Variants in TTN observed in about 807,000 individuals in gnomAD.
TTN encodes the protein connectin.
In TTN, 1,525 loss-of-function variants were observed where a neutral mutation model predicts 3,223.0. The ratio of observed to expected loss-of-function variants is 0.47; its 90% CI spans 0.45 to 0.49. The LOEUF (loss-of-function observed/expected upper bound fraction) is 0.49. Ranked by LOEUF, TTN falls within the 20% of genes least tolerant of loss-of-function variation. The probability of loss-of-function intolerance (pLI) is 0.00; values close to 1 mark genes in which losing one functional copy is unlikely to be tolerated. For synonymous variants in TTN, 14,094 were observed against 15,161.0 expected (o/e 0.93, Z 5.17); for missense variants, 40,786 against 43,424.0 (o/e 0.94, Z 5.40).
chr2:178,543,491 T>G lies in TTN; in HGVS notation c.96482A>C (p.Lys32161Thr). 1 of 1,613,782 alleles carries G rather than the reference T, an allele frequency of 6.2e-7. No individual in the cohort carries two copies. The highest frequency in any genetic ancestry group is 8.5e-7 in the Non-Finnish European group (1 of 1,179,770). ...AAGTCCAGAAATTCTGTAAAGTGTC[T>G]TGCTGCATTTGGTAGTTACTGTTTT... ...AFKTVTTKCS[K>T]TLYRISGLVE... The change falls in exon 347 of 363, where the codon AAG (lysine) becomes ACG (threonine). Residue 32161 changes from lysine to threonine, a missense_variant. Coordinates refer to ENST00000589042, the MANE Select transcript of TTN (RefSeq NM_001267550.2).
chr2:178,695,301 T>TATTTA, intron 115 of TTN, 47 bp downstream of exon 115: 1 of 1,477,248 alleles, frequency 6.8e-7, no homozygotes, highest in Non-Finnish European at 9.4e-7. Flanking sequence ...CAAGCCATGA[T>TATTTA]AATGATGTTG....
At position 178,570,398 on chromosome 2, in the gene TTN, C is replaced by T. The variant is rs397517701; in HGVS notation, c.75734G>A (p.Arg25245Lys). The stretch of plus-strand genomic sequence containing the variant: ...AGTCCAAACTAAGCGGCTGGTTTCT[C>T]TCCTTTCCACAATATAATTTATGAT... Reference protein sequence around the residue: ...SDIINYIVERRETSRLVWTVV... With the variant: ...SDIINYIVERKETSRLVWTVV... The change falls in exon 326 of 363, where the codon AGA (arginine) becomes AAA (lysine). Residue 25245 changes from arginine (R) to lysine (K), a missense_variant. Coordinates refer to ENST00000589042, the MANE Select transcript of TTN (RefSeq NM_001267550.2). The T allele has an allele frequency of 1.6e-5, 26 of 1,613,038 alleles. No homozygotes were observed. The highest frequency in any genetic ancestry group is 1.6e-4 in the Middle Eastern group (1 of 6,076).
At chr2:178,680,112 C>A in intron 139 of TTN, 57 bp from the exon 140 acceptor site, 1 of 1,599,354 alleles carries the variant, frequency 6.3e-7, no homozygotes, top group Non-Finnish European at 8.5e-7. Flanking sequence ...AAAATTAAGA[C>A]ACCTTAGAAA....
In TTN at chr2:178,719,181, G is replaced by T. The variant is rs796067887; in HGVS notation, c.24209C>A (p.Ala8070Glu). 6.2e-7 allele frequency: 1 copy of T among 1,613,300 alleles called. No individual in the cohort carries two copies. Among genetic ancestry groups the T allele is most frequent in the African/African-American group, 1.3e-5 (1 of 74,910 alleles). ...ANVAGSDECS[A>E]VLTVQEPPSF... is the part of the protein sequence containing the mutation. ...ACACTGACCTTGCACAGTCAGGACT[G>T]CTGAGCACTCATCGGAACCAGCTAC... Residue 8070 changes from alanine (A) to glutamate (E), a missense_variant, in exon 83 of 363, where the codon GCA becomes GAA. Coordinates refer to ENST00000589042, the MANE Select transcript of TTN (RefSeq NM_001267550.2).
chr2:178,557,990 A>G lies in TTN; in HGVS notation c.87364T>C (p.Ser29122Pro). ...AGRYEITAAN[S>P]SGTTKAFINI... ...ATGAAAGCTTTGGTTGTACCACTGG[A>G]GTTGGCAGCAGTGATTTCATATCTC... The change falls in exon 328 of 363, where the codon TCC (serine) becomes CCC (proline). Residue 29122 changes from serine to proline, a missense_variant. Ser to Pro is a moderately conservative substitution (Grantham distance 74). Coordinates refer to ENST00000589042, the MANE Select transcript of TTN (RefSeq NM_001267550.2). 6.2e-7 allele frequency: 1 copy of G among 1,613,708 alleles called. No homozygotes were observed. The highest frequency in any genetic ancestry group is 8.5e-7 in the Non-Finnish European group (1 of 1,179,860).
rs1430420761 is a variant in TTN, at chr2:178,740,338, C to A, written c.12895G>T (p.Glu4299Ter). The A allele has an allele frequency of 6.2e-7, 1 of 1,613,634 alleles. No individual in the cohort carries two copies. The highest frequency in any genetic ancestry group is 8.5e-7 in the Non-Finnish European group (1 of 1,179,802). Residue 4299 changes from glutamate to a stop codon, truncating the protein, a stop_gained, in exon 48 of 363, where the codon GAA becomes TAA. Coordinates refer to ENST00000589042, the MANE Select transcript of TTN (RefSeq NM_001267550.2). LOFTEE classifies it high-confidence loss of function. ...CTTTCTATCAAAATTTTACCTCCTT[C>A]TGTGCATGAGTGTTCTGAAGGGACT... Reference protein sequence around the residue: ...PLVPSEHSCTEGGKILIESAN... With the variant: ...PLVPSEHSCT
At chr2:178,671,491 A>G (rs1028303659) in intron 155 of TTN, among the ~76,000 whole-genome samples, 1 of 151,816 alleles carries the variant, frequency 6.6e-6, no homozygotes, top group African/African-American at 2.4e-5. Context: ...GGTGCCATTA[A>G]CAATACTTCA....
chr2:178,618,059 AT>A lies in TTN; in HGVS notation c.47291del (p.Asn15764MetfsTer2). ...ATCGATTCACATCAGTGATGGTTAC[AT>A]TCAAAGGAGGGCCTGGAACATCTGG... Reference protein sequence around the residue: ...SKYDVPGPPLNVTITDVNRFG... With the variant: ...SKYDVPGPPLXVTITDVNRFG... On this transcript the variant is annotated frameshift_variant, in exon 253 of 363. Transcript: ENST00000589042. LOFTEE classifies it high-confidence loss of function. The A allele has an allele frequency of 6.2e-7, 1 of 1,612,332 alleles. No individual in the cohort carries two copies. The highest frequency in any genetic ancestry group is 8.5e-7 in the Non-Finnish European group (1 of 1,179,070).
chr2:178,625,544 A>C (rs2058897553), intron 240 of TTN, 148 bp from the exon 241 acceptor site: 6 of 807,414 alleles, frequency 7.4e-6, no homozygotes, highest in African/African-American at 5.4e-5. Flanking sequence ...AAATCATTTC[A>C]ACCAATAGTT....
In TTN at chr2:178,562,751, C is replaced by T; in HGVS notation, c.83381G>A (p.Gly27794Asp). Reference protein sequence around the residue: ...TLSWEPPLIDGGAKITNYIVE... With the variant: ...TLSWEPPLIDDGAKITNYIVE... ...AATGTAGTTTGTAATCTTAGCTCCACCATCAATAAGTGGTGGTTCCCAGGA... is the reference window on the plus strand; with the variant it reads ...AATGTAGTTTGTAATCTTAGCTCCATCATCAATAAGTGGTGGTTCCCAGGA... Residue 27794 changes from glycine (G) to aspartate (D), a missense_variant, in exon 326 of 363, where the codon GGT becomes GAT. By Grantham distance (94) the Gly-to-Asp change is moderately conservative. Transcript: ENST00000589042. The T allele has an allele frequency of 6.2e-7, 1 of 1,612,100 alleles. No individual in the cohort carries two copies. The highest frequency in any genetic ancestry group is 1.3e-5 in the African/African-American group (1 of 74,916).
At chr2:178,685,766 A>T (rs1208070740) in intron 127 of TTN, among the ~76,000 whole-genome samples, 168 bp from the exon 128 acceptor site, 1 of 152,204 alleles carries the variant, frequency 6.6e-6, no homozygotes, top group East Asian at 1.9e-4. Flanking sequence ...ATCAAAGCAC[A>T]TGCGTTAATG....
At chr2:178,550,294 C>G (rs1176407842) in intron 336 of TTN, 21 bp from the exon 337 acceptor site, 1 of 1,587,814 alleles carries the variant, frequency 6.3e-7, no homozygotes, top group Non-Finnish European at 8.6e-7. Context: ...AAGAGAAATA[C>G]TATGTATTAG....
chr2:178,720,806 G>A (rs1191107142), intron 79 of TTN, 115 bp downstream of exon 79: 2 of 1,390,828 alleles, frequency 1.4e-6, no homozygotes, highest in East Asian at 5.0e-5. Context: ...ATTAAAACTT[G>A]TTGAAGAATT....
chr2:178,756,397 C>A lies in TTN; in HGVS notation c.11079G>T (p.Trp3693Cys), dbSNP rs1418383174. 3.7e-6 allele frequency: 6 copies of A among 1,613,768 alleles called. No homozygotes were observed. The highest frequency in any genetic ancestry group is 5.1e-6 in the Non-Finnish European group (6 of 1,179,812). ...LKDDSFIDVTWTHEGAKIEES... is the reference protein window; with the variant it reads ...LKDDSFIDVTCTHEGAKIEES... Reference sequence around the variant, plus strand: ...CCTCTATCTTTGCACCTTCGTGAGTCCAGGTTACATCAATGAAAGAATCAT... The same window carrying A: ...CCTCTATCTTTGCACCTTCGTGAGTACAGGTTACATCAATGAAAGAATCAT... Residue 3693 changes from tryptophan to cysteine, a missense_variant, in exon 46 of 363, where the codon TGG becomes TGT. Trp to Cys is a radical substitution (Grantham distance 215). Coordinates refer to ENST00000589042, the MANE Select transcript of TTN (RefSeq NM_001267550.2).
In TTN at chr2:178,580,075, C is replaced by T. The variant is rs977492019; in HGVS notation, c.67212G>A (p.Val22404=). 1 of 1,613,226 alleles carries T rather than the reference C, an allele frequency of 6.2e-7. No individual in the cohort carries two copies. Among genetic ancestry groups the T allele is most frequent in the African/African-American group, 1.3e-5 (1 of 74,860 alleles). Residue 22404 remains valine (V), a synonymous_variant, in exon 318 of 363, where the codon GTG becomes GTA. Transcript: ENST00000589042. ...RDAERKSWST[V]TTECSKTSFR... ...AGCTTGTTTTGGAGCACTCAGTTGT[C>T]ACTGTAGACCAGGATTTCCTCTCTG... is the stretch of plus-strand genomic sequence containing the variant.
At position 178,620,241 on chromosome 2, in the gene TTN, C is replaced by T. The variant is rs775511280; in HGVS notation, c.46280G>A (p.Gly15427Glu). 1.3e-6 allele frequency: 2 copies of T among 1,537,776 alleles called. No homozygotes were observed. Among genetic ancestry groups the T allele is most frequent in the South Asian group, 2.6e-5 (2 of 76,186 alleles). Residue 15427 changes from glycine (G) to glutamate (E), a missense_variant, in exon 248 of 363, where the codon GGG becomes GAG. Gly to Glu is a moderately conservative substitution (Grantham distance 98). Transcript: ENST00000589042. ...CTTTTTGCCTTCTTTGATTTCTCTCCCATTTCTGTACCATTTTACATTGGC... is the reference window on the plus strand; with the variant it reads ...CTTTTTGCCTTCTTTGATTTCTCTCTCATTTCTGTACCATTTTACATTGGC... The part of the protein sequence containing the change: ...EKANVKWYRN[G>E]REIKEGKKYK...
chr2:178,790,246 A>T lies in TTN; in HGVS notation c.1801-131T>A, dbSNP rs2093416186. ...GGAAATTTTAATTGCACTAAAATAT[A>T]TCATTTGAGTTACTTTGATCATCCA... On this transcript the variant is annotated intron_variant, in intron 11 of 362. Coordinates refer to ENST00000589042, the MANE Select transcript of TTN (RefSeq NM_001267550.2). 3.2e-6 allele frequency: 3 copies of T among 925,086 alleles called. No homozygotes were observed. In the South Asian group the frequency reaches 5.2e-5, roughly 16 times the overall value. The allele number at this position is 925,086 out of a possible 1,614,324, so 57.3% of individuals were successfully genotyped here. A position where few individuals can be genotyped will look rare whatever the true frequency, so the allele number is the denominator to read the frequency against.
Position 178,547,743 on chromosome 2 carries a change from C to A in TTN, c.93883G>T (p.Gly31295Cys), listed in dbSNP as rs1235271231. 6.2e-7 allele frequency: 1 copy of A among 1,613,578 alleles called. No homozygotes were observed. The highest frequency in any genetic ancestry group is 1.7e-5 in the Admixed American group (1 of 60,004). Residue 31295 changes from glycine to cysteine, a missense_variant, in exon 339 of 363, where the codon GGT becomes TGT. Gly to Cys is a radical substitution (Grantham distance 159, BLOSUM62 -3). Coordinates refer to ENST00000589042, the MANE Select transcript of TTN (RefSeq NM_001267550.2). Reference sequence around the variant, plus strand: ...ACTGTGACGCTAAATGTTTTAACACCAGCTGTATTTTCCAGGGTCAAGAAG... The same window carrying A: ...ACTGTGACGCTAAATGTTTTAACACAAGCTGTATTTTCCAGGGTCAAGAAG... ...RYFLTLENTA[G>C]VKTFSVTVVV... is the part of the protein sequence containing the mutation.
chr2:178,775,852 T>C lies in TTN; in HGVS notation c.6012A>G (p.Arg2004=). The part of the protein sequence containing the change: ...SEELRSKFKR[R]TEEGYYEAIT... ...TGGCTTCATAATAGCCCTCTTCTGT[T>C]CTGCGCTTGAATTTACTGCGCAGCT... is the stretch of plus-strand genomic sequence containing the variant. The change falls in exon 28 of 363, where the codon AGA becomes AGG. Residue 2004 remains arginine, a synonymous_variant. Coordinates refer to ENST00000589042, the MANE Select transcript of TTN (RefSeq NM_001267550.2). 6.2e-7 allele frequency: 1 copy of C among 1,614,172 alleles called. No individual in the cohort carries two copies.
Sources: allele counts gnomAD v4.1 joint callset (sites outside exome capture counted in the v4.1 genomes callset), GRCh38; gene constraint gnomAD v4.1.1; transcripts MANE v1.5; gene names NCBI Gene and HGNC (gene_info 2026-07-23, HGNC 2026-07-21).